Variants in SCGN observed in about 807,000 individuals in gnomAD.
The protein encoded by SCGN is secretagogin.
A neutral mutation model predicts 39.7 loss-of-function variants in SCGN; 30 were observed. That is an observed-to-expected ratio of 0.76 (90% confidence interval 0.57 to 1.03). The LOEUF (loss-of-function observed/expected upper bound fraction) is 1.03. SCGN is among the 50% of genes least tolerant of loss of function. The pLI is 0.00. For missense variants in SCGN, 353 were observed against 349.4 expected (o/e 1.01, Z -0.08); for synonymous variants, 106 against 114.1 (o/e 0.93, Z 0.45).
At position 25,652,247 on chromosome 6, in the gene SCGN, C is replaced by G; in HGVS notation, c.-157C>G. The stretch of plus-strand genomic sequence containing the variant: ...GCTGAGGGACGGCTCAGCGACGCCA[C>G]GGCCAGCAGCGCTCGCGTCCTCCCC... On this transcript the variant is annotated 5_prime_UTR_variant, in exon 1 of 11. Coordinates refer to ENST00000377961, the MANE Select transcript of SCGN (RefSeq NM_006998.4). 1.1e-5 allele frequency: 7 copies of G among 630,846 alleles called. 1 individual carries two copies. The South Asian group carries it at 1.3e-4, about 12-fold the overall frequency. 39.1% of individuals were successfully genotyped at this position (630,846 alleles called of 1,614,324 possible).
At chr6:25,659,544 A>AT (rs201604445) in intron 2 of SCGN, among the ~76,000 whole-genome samples, 1 of 151,990 alleles carries the variant, frequency 6.6e-6, no homozygotes, top group Non-Finnish European at 1.5e-5. Context: ...ACATCCTCTG[A>AT]TTTTTTTTCT....
intron 7 of SCGN, among the ~76,000 whole-genome samples, chr6:25,684,766 C>A (rs530421882): frequency 6.6e-6 from 1 of 152,084 alleles, no homozygotes; most frequent in East Asian, 1.9e-4. Flanking sequence ...GCCAAGATTG[C>A]GTCACAGTAC....
At chr6:25,652,862 G>T (rs1040419) in intron 1 of SCGN, among the ~76,000 whole-genome samples, 42,932 of 151,872 alleles carry the variant, frequency 0.28, 6,136 homozygotes, top group African/African-American at 0.33. Flanking sequence ...TCACTTTTAC[G>T]CAGTGACTTT....
intron 5 of SCGN, 40 bp from the exon 6 acceptor site, chr6:25,669,959 G>A: frequency 6.7e-7 from 1 of 1,498,748 alleles, no homozygotes; most frequent in Non-Finnish European, 9.3e-7. Flanking sequence ...CAGTTTATTT[G>A]CTCACTATAT....
intron 10 of SCGN, among the ~76,000 whole-genome samples, chr6:25,694,774 G>A (rs918016536): frequency 6.6e-6 from 1 of 152,052 alleles, no homozygotes; most frequent in Non-Finnish European, 1.5e-5. Flanking sequence ...AAAAATACTC[G>A]CCATATAATT....
chr6:25,660,589 G>C (rs1439084860), intron 2 of SCGN, among the ~76,000 whole-genome samples: 1 of 152,226 alleles, frequency 6.6e-6, no homozygotes, highest in Admixed American at 6.5e-5. Context: ...ACATGCTGGG[G>C]TTATTCTTGA....
chr6:25,661,991 T>C (rs750323043), intron 3 of SCGN, among the ~76,000 whole-genome samples: 11 of 152,176 alleles, frequency 7.2e-5, no homozygotes, highest in Admixed American at 5.2e-4. Flanking sequence ...AAATTGAACA[T>C]TGATATAAGG....
At chr6:25,680,505 C>A (rs1448225261) in intron 6 of SCGN, among the ~76,000 whole-genome samples, 1 of 152,150 alleles carries the variant, frequency 6.6e-6, no homozygotes, top group Non-Finnish European at 1.5e-5. Context: ...TAGTTCAACC[C>A]AGGCCAATTT....
intron 3 of SCGN, among the ~76,000 whole-genome samples, chr6:25,663,274 T>C (rs1261983010): frequency 9.9e-5 from 15 of 152,192 alleles, no homozygotes; most frequent in Admixed American, 9.8e-4. Context: ...TGTTGGATTT[T>C]CTAGCAAAAA....
At chr6:25,676,993 G>C (rs762187976) in intron 6 of SCGN, among the ~76,000 whole-genome samples, 2 of 151,868 alleles carry the variant, frequency 1.3e-5, no homozygotes, top group Non-Finnish European at 2.9e-5. Context: ...GCGTCATCTG[G>C]TCCCATTCTC....
At chr6:25,674,769 T>C (rs565819671) in intron 6 of SCGN, among the ~76,000 whole-genome samples, 28 of 152,350 alleles carry the variant, frequency 1.8e-4, no homozygotes, top group African/African-American at 6.7e-4. Context: ...CTTATCCTGA[T>C]TCCTAATTAA....
rs1360853321 is a variant in SCGN, at chr6:25,669,537, C to A, written c.363C>A (p.Ser121Arg). ...TTTGGCGCAAATATGACGCTGACAGCAGTGGCTTTATATCAGCTGCTGAGC... is the reference window on the plus strand; with the variant it reads ...TTTGGCGCAAATATGACGCTGACAGAAGTGGCTTTATATCAGCTGCTGAGC... ...MQIWRKYDAD[S>R]SGFISAAELR... The change falls in exon 5 of 11, where the codon AGC (serine) becomes AGA (arginine). Residue 121 changes from serine to arginine, a missense_variant. Ser to Arg is a moderately radical substitution (Grantham distance 110, BLOSUM62 -1). Coordinates refer to ENST00000377961, the MANE Select transcript of SCGN (RefSeq NM_006998.4). 2.5e-6 allele frequency: 4 copies of A among 1,613,486 alleles called. No individual in the cohort carries two copies. Among genetic ancestry groups the A allele is most frequent in the Admixed American group, 1.7e-5 (1 of 59,990 alleles).
In SCGN at chr6:25,701,199, G is replaced by T. The variant is rs1291958471; in HGVS notation, c.703-8G>T. ...TGCCTGTTAACATGTTACTTTTGTC[G>T]CCCTCAGCCCAGCATCAGCGGGGTG... On this transcript the variant is annotated splice_polypyrimidine_tract_variant and splice_region_variant and intron_variant, in intron 10 of 10. Transcript: ENST00000377961. The T allele has an allele frequency of 6.2e-7, 1 of 1,605,196 alleles. No homozygotes were observed. Among genetic ancestry groups the T allele is most frequent in the Non-Finnish European group, 8.5e-7 (1 of 1,176,148 alleles).
In SCGN at chr6:25,691,081, C is replaced by G; in HGVS notation, c.659C>G (p.Pro220Arg). 1 of 1,613,756 alleles carries G rather than the reference C, an allele frequency of 6.2e-7. No individual in the cohort carries two copies. Among genetic ancestry groups the G allele is most frequent in the Non-Finnish European group, 8.5e-7 (1 of 1,179,768 alleles). ...DVSKTGALEG[P>R]EVDGFVKDMM... Reference sequence around the variant, plus strand: ...AGTAAAACAGGAGCCCTGGAAGGCCCAGAAGTGGATGGGTTTGTCAAAGAC... The same window carrying G: ...AGTAAAACAGGAGCCCTGGAAGGCCGAGAAGTGGATGGGTTTGTCAAAGAC... Residue 220 changes from proline (P) to arginine (R), a missense_variant, in exon 10 of 11, where the codon CCA becomes CGA. Coordinates refer to ENST00000377961, the MANE Select transcript of SCGN (RefSeq NM_006998.4).
chr6:25,699,951 A>G (rs1057040874), intron 10 of SCGN, among the ~76,000 whole-genome samples: 3 of 152,138 alleles, frequency 2.0e-5, no homozygotes, highest in African/African-American at 7.2e-5. Flanking sequence ...TCTATTTTAA[A>G]TTTAGGGCCA....
In SCGN at chr6:25,658,002, CCTTTTTTTTTTTTTTTTTTTTT is replaced by C. The variant is rs1561759799; in HGVS notation, c.154-3549_154-3528del. 8.4e-5 allele frequency among the ~76,000 whole-genome samples: 4 copies of C among 47,644 alleles called. 1 individual carries two copies. The highest frequency in any genetic ancestry group is 2.6e-4 in the Admixed American group (1 of 3,822). 31.3% of individuals were successfully genotyped at this position (47,644 alleles called of 152,430 possible). On this transcript the variant is annotated intron_variant, in intron 2 of 10. Coordinates refer to ENST00000377961, the MANE Select transcript of SCGN (RefSeq NM_006998.4). ...GGTGTGTGTTCATTTAGAAAGGTAT[CCTTTTTTTTTTTTTTTTTTTTT>C]TTTTTTTTTTTTTTTTTTTTTTTTT...
intron 8 of SCGN, 63 bp from the exon 9 acceptor site, chr6:25,689,410 G>A (rs1759748306): frequency 6.7e-7 from 1 of 1,502,830 alleles, no homozygotes; most frequent in African/African-American, 1.4e-5. Flanking sequence ...CCAGGACTCT[G>A]GAAGAATTGT....
intron 7 of SCGN, among the ~76,000 whole-genome samples, chr6:25,682,561 T>C (rs1439533871): frequency 6.6e-6 from 1 of 152,224 alleles, no homozygotes; most frequent in Non-Finnish European, 1.5e-5. Context: ...CAGCATGTTT[T>C]GTCAAGTCTG....
chr6:25,683,632 A>G (rs1759665999), intron 7 of SCGN, among the ~76,000 whole-genome samples: 2 of 151,510 alleles, frequency 1.3e-5, no homozygotes. Flanking sequence ...ATTTCAGTGT[A>G]TAAGTGCTTG....
Sources: allele counts gnomAD v4.1 joint callset (sites outside exome capture counted in the v4.1 genomes callset), GRCh38; gene constraint gnomAD v4.1.1; transcripts MANE v1.5; gene names NCBI Gene and HGNC (gene_info 2026-07-23, HGNC 2026-07-21).